Variants in NELL1 observed in about 807,000 individuals in gnomAD.
NELL1 encodes protein kinase C-binding protein NELL1.
In NELL1, 76 loss-of-function variants were observed where a neutral mutation model predicts 107.4. The ratio of observed to expected loss-of-function variants is 0.71; its 90% confidence interval spans 0.59 to 0.86. The LOEUF (loss-of-function observed/expected upper bound fraction) is 0.86, where lower values mean the gene tolerates loss of function less well. Ranked by LOEUF, NELL1 falls within the 40% of genes least tolerant of loss-of-function variation. The pLI, the probability that NELL1 is intolerant of heterozygous loss-of-function variation, is 0.00. For missense variants in NELL1, 1,024 were observed against 1,005.5 expected (o/e 1.02, Z -0.25); for synonymous variants, 353 against 341.2 (o/e 1.03, Z -0.38).
intron 2 of NELL1, among the ~76,000 whole-genome samples, chr11:20,777,182 C>G (rs544238664): frequency 6.6e-6 from 1 of 152,284 alleles, no homozygotes; most frequent in South Asian, 2.1e-4. Context: ...CCTTCCTAGC[C>G]CAGTGTCCTT....
rs1315891986 is a variant in NELL1, at chr11:20,827,527, C to T, written c.336-20056C>T. On this transcript the variant is annotated intron_variant, in intron 3 of 19. Coordinates refer to ENST00000357134, the MANE Select transcript of NELL1 (RefSeq NM_006157.5). The stretch of plus-strand genomic sequence containing the variant: ...TTAGAGGCCTAGACTCTGTCCACTT[C>T]GTCATTCTTCCATCTTCAACATGTG... 7.3e-5 allele frequency among the ~76,000 whole-genome samples: 11 copies of T among 151,184 alleles called. 1 individual carries two copies. The highest frequency in any genetic ancestry group is 1.9e-4 in the African/African-American group (8 of 41,320).
rs115780568 is a variant in NELL1, at chr11:21,259,462, A to G, written c.1549+30008A>G. On this transcript the variant is annotated intron_variant, in intron 14 of 19. Transcript: ENST00000357134. ...GCATGAGTAAAGTTATGGAAATACA[A>G]TTTTTCAGCCTTTTGGAGAACAGGA... is the stretch of plus-strand genomic sequence containing the variant. 7.2e-3 allele frequency among the ~76,000 whole-genome samples: 1,096 copies of G among 151,918 alleles called. 16 individuals are homozygous for G. The highest frequency in any genetic ancestry group is 0.025 in the African/African-American group (1,018 of 41,488).
chr11:20,782,611 T>G (rs2133981287), intron 2 of NELL1, among the ~76,000 whole-genome samples: 1 of 152,310 alleles, frequency 6.6e-6, no homozygotes, highest in Non-Finnish European at 1.5e-5. Context: ...TCTGTGATAT[T>G]GCTTGGGCAG....
intron 2 of NELL1, among the ~76,000 whole-genome samples, chr11:20,686,450 A>G (rs1232096814): frequency 6.6e-6 from 1 of 152,178 alleles, no homozygotes; most frequent in Admixed American, 6.6e-5. Context: ...AACAGAATTT[A>G]ATTGAGCAAA....
intron 3 of NELL1, among the ~76,000 whole-genome samples, chr11:20,841,006 T>C (rs565717510): frequency 6.6e-6 from 1 of 152,322 alleles, no homozygotes; most frequent in South Asian, 2.1e-4. Context: ...ACTTCTTCTT[T>C]TTGCCTTTCT....
chr11:21,092,412 T>C (rs930685367), intron 12 of NELL1, among the ~76,000 whole-genome samples: 2 of 152,146 alleles, frequency 1.3e-5, no homozygotes, highest in African/African-American at 4.8e-5. Flanking sequence ...TAAAATGGAA[T>C]GAATAAAGAT....
At chr11:20,734,855 C>A (rs1855724090) in intron 2 of NELL1, among the ~76,000 whole-genome samples, 1 of 152,164 alleles carries the variant, frequency 6.6e-6, no homozygotes, top group African/African-American at 2.4e-5. Flanking sequence ...CTTGGAGCAA[C>A]AACAGCAGCA....
chr11:21,539,972 C>G (rs754432594), intron 16 of NELL1, among the ~76,000 whole-genome samples: 3 of 151,910 alleles, frequency 2.0e-5, no homozygotes, highest in Admixed American at 6.6e-5. Flanking sequence ...ATCACACATC[C>G]TGAAGATTCA....
chr11:20,744,111 A>G (rs1855950179), intron 2 of NELL1, among the ~76,000 whole-genome samples: 1 of 152,180 alleles, frequency 6.6e-6, no homozygotes. Flanking sequence ...CCACAATCTT[A>G]TTCCAAGCTA....
intron 15 of NELL1, among the ~76,000 whole-genome samples, chr11:21,403,606 CAA>C (rs11331255): frequency 0.37 from 53,120 of 143,168 alleles, 9,781 homozygotes; most frequent in East Asian, 0.45. Flanking sequence ...TGTAGCTCTT[CAA>C]AAAAAAAAAA....
chr11:20,896,084 A>G (rs1275763265), intron 5 of NELL1, among the ~76,000 whole-genome samples: 1 of 152,046 alleles, frequency 6.6e-6, no homozygotes, highest in Non-Finnish European at 1.5e-5. Flanking sequence ...TGCACTCATC[A>G]CCCGAGTGGT....
intron 12 of NELL1, among the ~76,000 whole-genome samples, chr11:21,093,247 G>C (rs1854562103): frequency 6.6e-6 from 1 of 152,188 alleles, no homozygotes; most frequent in South Asian, 2.1e-4. Flanking sequence ...CAGGGCCCCA[G>C]ACTGAGATGC....
At chr11:21,214,097 G>A (rs752090971) in intron 13 of NELL1, among the ~76,000 whole-genome samples, 14 of 152,100 alleles carry the variant, frequency 9.2e-5, no homozygotes, top group African/African-American at 1.7e-4. Flanking sequence ...TACAGGGTGA[G>A]TATCTTTTAT....
At chr11:21,441,332 TGTGTGTGTG>T (rs756271863) in intron 15 of NELL1, among the ~76,000 whole-genome samples, 36,261 of 104,006 alleles carry the variant, frequency 0.35, 4,833 homozygotes, top group Middle Eastern at 0.47. Context: ...GGCTGTGACG[TGTGTGTGTG>T]TGTGTGTGTG....
chr11:21,561,307 C>G (rs1856844749), intron 17 of NELL1, among the ~76,000 whole-genome samples: 2 of 152,020 alleles, frequency 1.3e-5, no homozygotes, highest in South Asian at 4.2e-4. Flanking sequence ...GCCACACATC[C>G]ACAGACCTGG....
chr11:21,538,492 G>GTC (rs567540968), intron 16 of NELL1, among the ~76,000 whole-genome samples: 13 of 151,274 alleles, frequency 8.6e-5, no homozygotes, highest in Middle Eastern at 3.2e-3. Context: ...AGTCTCTTCT[G>GTC]TCTCTCTCTC....
At chr11:21,219,854 G>T (rs1330190013) in intron 13 of NELL1, among the ~76,000 whole-genome samples, 1 of 152,138 alleles carries the variant, frequency 6.6e-6, no homozygotes, top group Non-Finnish European at 1.5e-5. Flanking sequence ...AAGAAAAGAG[G>T]TTTCATTGAC....
chr11:21,366,845 G>T (rs1449785862), intron 14 of NELL1, among the ~76,000 whole-genome samples: 1 of 152,024 alleles, frequency 6.6e-6, no homozygotes, highest in Non-Finnish European at 1.5e-5. Context: ...GTGTCCCTAG[G>T]AACTAAATAT....
At chr11:20,977,295 C>CG (rs1252610658) in intron 12 of NELL1, among the ~76,000 whole-genome samples, 2 of 147,112 alleles carry the variant, frequency 1.4e-5, no homozygotes, top group Non-Finnish European at 3.0e-5. Flanking sequence ...GACAGAGTCT[C>CG]GCTCTGTCAC....
Sources: gnomAD v4.1 joint callset for allele counts (sites outside exome capture counted in the v4.1 genomes callset) on GRCh38, gnomAD v4.1.1 for gene constraint, MANE v1.5 for transcripts, NCBI Gene and HGNC (gene_info 2026-07-23, HGNC 2026-07-21) for gene names.